The following SEC24A variants were observed in gnomAD, a reference collection of about 807,000 sequenced individuals.
The protein encoded by SEC24A is protein transport protein Sec24A.
Under a neutral mutation model 129.4 loss-of-function variants are expected in SEC24A, and 93 were observed. The observed-to-expected ratio is 0.72, with a 90% CI of 0.61 to 0.85. The LOEUF (loss-of-function observed/expected upper bound fraction) is 0.85, where lower values mean the gene tolerates loss of function less well. Ranked by LOEUF, SEC24A falls within the 40% of genes least tolerant of loss-of-function variation. The pLI is 0.00. For missense variants in SEC24A, 1,264 were observed against 1,307.4 expected, an observed-to-expected ratio of 0.97 and a Z score of 0.51; for synonymous variants, 460 against 467.3, an observed-to-expected ratio of 0.98 and a Z score of 0.20.
At chr5:134,674,891 T>G in intron 5 of SEC24A, 116 bp downstream of exon 5, 1 of 1,126,448 alleles carries the variant, frequency 8.9e-7, no homozygotes, top group Non-Finnish European at 1.2e-6. Flanking sequence ...AGAATAATAA[T>G]GGATATTTCA....
At chr5:134,709,086 TAGTC>T (rs1752246865) in intron 18 of SEC24A, among the ~76,000 whole-genome samples, 198 bp downstream of exon 18, 1 of 151,898 alleles carries the variant, frequency 6.6e-6, no homozygotes, top group African/African-American at 2.4e-5. Context: ...TGCACACCTG[TAGTC>T]AGTCCCAGCT....
At position 134,726,731 on chromosome 5, in the gene SEC24A, T is replaced by G. The variant is rs982945555; in HGVS notation, c.*1637T>G. The G allele has an allele frequency of 2.0e-5, 3 of 152,176 alleles. No individual in the cohort carries two copies. The highest frequency in any genetic ancestry group is 7.2e-5 in the African/African-American group (3 of 41,462). 9.4% of individuals were successfully genotyped at this position (152,176 alleles called of 1,614,324 possible). On this transcript the variant is annotated 3_prime_UTR_variant, in exon 23 of 23. Transcript: ENST00000398844. ...GTAGCGAATTATATTATCCCCTCTT[T>G]TAAAGAAACAGTCGTTATATGCTGA...
At chr5:134,698,163 C>T (rs1751886663) in intron 15 of SEC24A, 106 bp downstream of exon 15, 1 of 962,292 alleles carries the variant, frequency 1.0e-6, no homozygotes, top group African/African-American at 1.6e-5. Context: ...GATACTTTGC[C>T]TACTCTGGAA....
In SEC24A at chr5:134,660,728, GT is replaced by G. The variant is rs112843055; in HGVS notation, c.98-382del. Among the ~76,000 whole-genome samples, 1,320 of 150,340 alleles carry G rather than the reference GT, an allele frequency of 8.8e-3. 18 individuals carry two copies. The highest frequency in any genetic ancestry group is 0.031 in the African/African-American group (1,251 of 41,012). ...ATACCATCAAGGCTGGCTACTTTTT[GT>G]TTTTTTTTATAGGCATGGGGTTTCA... On this transcript the variant is annotated intron_variant, in intron 1 of 22. Transcript: ENST00000398844.
At chr5:134,691,652 A>G (rs1426540328) in intron 11 of SEC24A, among the ~76,000 whole-genome samples, 3 of 149,700 alleles carry the variant, frequency 2.0e-5, no homozygotes, top group Non-Finnish European at 3.0e-5. Context: ...ACAGGTGCCC[A>G]CCACCACGCC....
At chr5:134,685,178 T>A (rs1308114157) in intron 9 of SEC24A, among the ~76,000 whole-genome samples, 1 of 151,992 alleles carries the variant, frequency 6.6e-6, no homozygotes, top group Non-Finnish European at 1.5e-5. Context: ...GAGACCAGCC[T>A]GGGCAATGTA....
chr5:134,675,170 A>G lies in SEC24A; in HGVS notation c.1104A>G (p.Pro368=). The G allele has an allele frequency of 1.2e-6, 2 of 1,613,520 alleles. No individual in the cohort carries two copies. Among genetic ancestry groups the G allele is most frequent in the East Asian group, 2.2e-5 (1 of 44,860 alleles). Residue 368 remains proline, a synonymous_variant, in exon 6 of 23, where the codon CCA becomes CCG. Transcript: ENST00000398844. ...TTCCGTCAACACCTTTGAAGCCTCC[A>G]GTTCCAAATTTGCATGAAGACATCC... The part of the protein sequence containing the change: ...NMLPSTPLKP[P]VPNLHEDIQK...
intron 19 of SEC24A, among the ~76,000 whole-genome samples, chr5:134,716,651 A>T (rs951888207): frequency 6.7e-6 from 1 of 150,116 alleles, no homozygotes; most frequent in African/African-American, 2.4e-5. Context: ...TACAAAAATT[A>T]ACTGGTCGTG....
chr5:134,675,011 A>G (rs776227837), intron 5 of SEC24A, 34 bp from the exon 6 acceptor site: 1 of 1,511,442 alleles, frequency 6.6e-7, no homozygotes, highest in Non-Finnish European at 8.9e-7. Context: ...CACACTTAAT[A>G]AAAGTTACTT....
In SEC24A at chr5:134,708,893, G is replaced by C; in HGVS notation, c.2727+5G>C. 3.1e-6 allele frequency: 5 copies of C among 1,611,132 alleles called. No individual in the cohort carries two copies. The highest frequency in any genetic ancestry group is 4.2e-6 in the Non-Finnish European group (5 of 1,179,086). On this transcript the variant is annotated splice_donor_5th_base_variant and intron_variant, in intron 18 of 22. Coordinates refer to ENST00000398844, the MANE Select transcript of SEC24A (RefSeq NM_021982.3). ...GTGTTGGCTCTCCTTAAACAGGTAA[G>C]AAAAACAGATATAGAAACTAACACA...
chr5:134,675,556 TAACA>T (rs2150083111), intron 6 of SEC24A, among the ~76,000 whole-genome samples: 1 of 152,338 alleles, frequency 6.6e-6, no homozygotes, highest in South Asian at 2.1e-4. Context: ...ATTAATTTCA[TAACA>T]AACATAATAC....
intron 19 of SEC24A, chr5:134,715,674 C>T (rs968682586): frequency 1.9e-5 from 3 of 153,874 alleles, no homozygotes; most frequent in African/African-American, 7.2e-5. Context: ...ATATCATACA[C>T]TGGGTCCTGT....
intron 18 of SEC24A, among the ~76,000 whole-genome samples, chr5:134,713,125 G>T (rs1752379433): frequency 6.6e-6 from 1 of 151,562 alleles, no homozygotes; most frequent in South Asian, 2.1e-4. Flanking sequence ...TAGAGACGGG[G>T]TTTCACCGTG....
At chr5:134,666,062 G>C (rs1438220978) in intron 2 of SEC24A, among the ~76,000 whole-genome samples, 1 of 150,032 alleles carries the variant, frequency 6.7e-6, no homozygotes, top group Non-Finnish European at 1.5e-5. Context: ...AAGACAGGAG[G>C]ATCACTGGAG....
chr5:134,663,095 A>AT (rs1481619440), intron 2 of SEC24A, among the ~76,000 whole-genome samples: 1 of 151,760 alleles, frequency 6.6e-6, no homozygotes, highest in Admixed American at 6.6e-5. Context: ...TTTGCTTTTT[A>AT]TTTTTTAGAG....
chr5:134,703,864 T>G lies in SEC24A; in HGVS notation c.2372T>G (p.Val791Gly). 6.2e-7 allele frequency: 1 copy of G among 1,612,376 alleles called. No homozygotes were observed. The highest frequency in any genetic ancestry group is 8.5e-7 in the Non-Finnish European group (1 of 1,178,524). The part of the protein sequence containing the change: ...PDAGYAVQMS[V>G]EESLTDTQLV... ...GCTGGGTATGCAGTACAGATGTCAG[T>G]GGAAGAGAGTCTTACTGACACTCAG... is the stretch of plus-strand genomic sequence containing the variant. The change falls in exon 16 of 23, where the codon GTG becomes GGG. Residue 791 changes from valine (V) to glycine (G), a missense_variant. By Grantham distance (109) the Val-to-Gly change is moderately radical (BLOSUM62 -3). Transcript: ENST00000398844.
At chr5:134,720,786 C>T (rs964853908) in intron 20 of SEC24A, among the ~76,000 whole-genome samples, 1 of 151,996 alleles carries the variant, frequency 6.6e-6, no homozygotes, top group African/African-American at 2.4e-5. Flanking sequence ...GCCTGTAGTC[C>T]CAGCTACTCT....
intron 4 of SEC24A, among the ~76,000 whole-genome samples, chr5:134,674,146 A>T (rs937927693): frequency 1.3e-4 from 20 of 152,132 alleles, no homozygotes; most frequent in African/African-American, 4.8e-4. Context: ...AAATAAAATG[A>T]TAAATAAAAT....
chr5:134,650,858 T>A (rs1427034544), intron 1 of SEC24A, among the ~76,000 whole-genome samples: 1 of 152,002 alleles, frequency 6.6e-6, no homozygotes, highest in African/African-American at 2.4e-5. Context: ...CACTGCAACC[T>A]CCTCCTCCCA....
Sources: allele counts gnomAD v4.1 joint callset (sites outside exome capture counted in the v4.1 genomes callset), GRCh38; gene constraint gnomAD v4.1.1; transcripts MANE v1.5; gene names NCBI Gene and HGNC (gene_info 2026-07-23, HGNC 2026-07-21).